The following TENM3 variants were observed in gnomAD, a reference collection of about 807,000 sequenced individuals.
TENM3 encodes the protein teneurin transmembrane protein 3, also known as teneurin-3.
TENM3 carries 63 observed loss-of-function variants against 255.1 expected under a neutral mutation model. That is an observed-to-expected ratio of 0.25 (90% CI 0.20 to 0.30). TENM3 has a LOEUF of 0.30. Among genes scored for constraint, TENM3 ranks in the 10% least tolerant of loss-of-function variants. The pLI is 1.00. For missense variants in TENM3, 2,929 were observed against 3,461.1 expected, an observed-to-expected ratio of 0.85 and a Z score of 3.86; for synonymous variants, 1,306 against 1,322.3, an observed-to-expected ratio of 0.99 and a Z score of 0.27.
intron 3 of TENM3, among the ~76,000 whole-genome samples, chr4:182,440,463 A>G (rs1479991920): frequency 1.3e-5 from 2 of 151,904 alleles, no homozygotes; most frequent in Non-Finnish European, 2.9e-5. Context: ...ACTTCACTCC[A>G]TTTCGTTTCT....
chr4:182,357,179 C>G (rs964751822), intron 3 of TENM3, among the ~76,000 whole-genome samples: 4 of 151,920 alleles, frequency 2.6e-5, no homozygotes, highest in African/African-American at 4.8e-5. Context: ...AATAAACATA[C>G]GTGTGCATGT....
At chr4:182,166,756 C>T (rs1271003610) in intron 1 of TENM3, among the ~76,000 whole-genome samples, 3 of 152,030 alleles carry the variant, frequency 2.0e-5, no homozygotes, top group Non-Finnish European at 4.4e-5. Context: ...CTCAGCCTCC[C>T]GAGTAGCTGG....
At chr4:182,563,974 T>C (rs930051538) in intron 3 of TENM3, among the ~76,000 whole-genome samples, 2 of 152,214 alleles carry the variant, frequency 1.3e-5, no homozygotes, top group Non-Finnish European at 1.5e-5. Context: ...GATCCTTCGC[T>C]CCTGCCAATC....
At chr4:181,603,213 G>T in the TENM3 span, among the ~76,000 whole-genome samples, 1 of 152,086 alleles carries the variant, frequency 6.6e-6, no homozygotes, top group Non-Finnish European at 1.5e-5. Flanking sequence ...AGAACTTTTT[G>T]ATTTCCAGTT....
the TENM3 span, among the ~76,000 whole-genome samples, chr4:181,787,558 T>C: frequency 6.6e-6 from 1 of 152,094 alleles, no homozygotes; most frequent in Non-Finnish European, 1.5e-5. Context: ...CAGACTGGTC[T>C]CAAACTCCTG....
chr4:181,723,029 A>G, the TENM3 span, among the ~76,000 whole-genome samples: 3 of 152,122 alleles, frequency 2.0e-5, no homozygotes, highest in African/African-American at 7.2e-5. Context: ...CTCAGGACTT[A>G]ATTACAGCAC....
At chr4:182,586,911 C>T (rs1191354054) in intron 3 of TENM3, among the ~76,000 whole-genome samples, 1 of 152,000 alleles carries the variant, frequency 6.6e-6, no homozygotes, top group South Asian at 2.1e-4. Flanking sequence ...AGATCAGTAG[C>T]GTCATTGGGA....
At chr4:181,709,822 AT>A in the TENM3 span, among the ~76,000 whole-genome samples, 2 of 152,144 alleles carry the variant, frequency 1.3e-5, no homozygotes, top group African/African-American at 4.8e-5. Context: ...CGTTCAGAAG[AT>A]TTTTTTGATG....
the TENM3 span, among the ~76,000 whole-genome samples, chr4:182,002,070 T>C: frequency 6.6e-6 from 1 of 152,162 alleles, no homozygotes; most frequent in African/African-American, 2.4e-5. Context: ...TTTCGACTTA[T>C]TGAGGAGAAA....
At chr4:181,920,948 A>G in the TENM3 span, among the ~76,000 whole-genome samples, 1 of 152,220 alleles carries the variant, frequency 6.6e-6, no homozygotes, top group Admixed American at 6.5e-5. Context: ...AGCTTTCTCC[A>G]TATGGCTAGC....
the TENM3 span, among the ~76,000 whole-genome samples, chr4:181,658,037 G>C: frequency 6.6e-6 from 1 of 151,982 alleles, no homozygotes; most frequent in South Asian, 2.1e-4. Flanking sequence ...TACCTATAGG[G>C]GACTTTGTTC....
intron 1 of TENM3, among the ~76,000 whole-genome samples, chr4:182,293,869 G>A (rs917146242): frequency 1.3e-5 from 2 of 152,104 alleles, no homozygotes; most frequent in Non-Finnish European, 2.9e-5. Flanking sequence ...TTCGCACTGA[G>A]GTATGAATGA....
chr4:182,058,945 C>CGTGTTTGT, the TENM3 span, among the ~76,000 whole-genome samples: 1 of 139,136 alleles, frequency 7.2e-6, no homozygotes, highest in South Asian at 2.4e-4. Flanking sequence ...AGTCATAGCT[C>CGTGTTTGT]GTGTGTGTGT....
chr4:182,022,118 A>G, the TENM3 span, among the ~76,000 whole-genome samples: 6 of 152,036 alleles, frequency 3.9e-5, no homozygotes, highest in African/African-American at 1.4e-4. Flanking sequence ...TTGTTTGTTC[A>G]CAATAAGAAA....
intron 6 of TENM3, among the ~76,000 whole-genome samples, chr4:182,664,550 A>G (rs1219461175): frequency 6.6e-6 from 1 of 152,220 alleles, no homozygotes; most frequent in Non-Finnish European, 1.5e-5. Flanking sequence ...GTCAAAAGCT[A>G]GAAATGATTA....
intron 1 of TENM3, among the ~76,000 whole-genome samples, chr4:182,296,205 C>T (rs568209183): frequency 1.3e-5 from 2 of 152,024 alleles, no homozygotes; most frequent in Admixed American, 1.3e-4. Context: ...TCAGATGATT[C>T]GCCCACCTTG....
At chr4:182,238,722 T>C (rs1396032663), upstream of TENM3, among the ~76,000 whole-genome samples, 1 of 152,212 alleles carries the variant, frequency 6.6e-6, no homozygotes, top group Admixed American at 6.5e-5. Flanking sequence ...GACTGAATCA[T>C]CTTTTCATTT....
chr4:182,784,632 G>C (rs1765473932), intron 24 of TENM3, among the ~76,000 whole-genome samples: 2 of 151,516 alleles, frequency 1.3e-5, no homozygotes, highest in African/African-American at 4.9e-5. Flanking sequence ...CCTGGGCAAT[G>C]GCGGGCGCCC....
At chr4:181,474,778 C>T in the TENM3 span, among the ~76,000 whole-genome samples, 1 of 151,456 alleles carries the variant, frequency 6.6e-6, no homozygotes, top group Non-Finnish European at 1.5e-5. Context: ...ATAGCTCTGT[C>T]CAGTGATTTT....
Sources: gnomAD v4.1 joint callset for allele counts (sites outside exome capture counted in the v4.1 genomes callset) on GRCh38, gnomAD v4.1.1 for gene constraint, MANE v1.5 for transcripts, NCBI Gene and HGNC (gene_info 2026-07-23, HGNC 2026-07-21) for gene names.